TDRD5: variants seen among roughly 807,000 people sequenced by gnomAD.
TDRD5 encodes tudor domain containing 5, also known as tudor domain-containing protein 5.
A neutral mutation model predicts 120.6 loss-of-function variants in TDRD5; 41 were observed. The observed-to-expected ratio is 0.34, with a 90% CI of 0.26 to 0.44. TDRD5 has a LOEUF of 0.44. Ranked by LOEUF, TDRD5 falls within the 20% of genes least tolerant of loss-of-function variation. The pLI is 1.00. For missense variants in TDRD5, 1,006 were observed against 1,221.2 expected, an observed-to-expected ratio of 0.82 and a Z score of 2.63; for synonymous variants, 430 against 433.7, an observed-to-expected ratio of 0.99 and a Z score of 0.11.
intron 7 of TDRD5, among the ~76,000 whole-genome samples, chr1:179,631,555 G>A (rs1032735584): frequency 2.0e-4 from 30 of 152,300 alleles, no homozygotes; most frequent in African/African-American, 6.3e-4. Flanking sequence ...ATGGGTGTGC[G>A]TTGGGACCCA....
chr1:179,663,526 G>A (rs374080127), intron 16 of TDRD5, 35 bp downstream of exon 16: 23 of 1,564,978 alleles, frequency 1.5e-5, no homozygotes, highest in Non-Finnish European at 2.0e-5. Context: ...GGACAGGTTT[G>A]CATAAGGAAG....
intron 6 of TDRD5, among the ~76,000 whole-genome samples, chr1:179,628,954 TTTAAC>T (rs1677289928): frequency 6.6e-6 from 1 of 152,148 alleles, no homozygotes; most frequent in Non-Finnish European, 1.5e-5. Context: ...TTTTTGCCAA[TTTAAC>T]TGAAGTGTTT....
At chr1:179,612,305 C>T (rs557700075) in intron 4 of TDRD5, among the ~76,000 whole-genome samples, 1 of 152,262 alleles carries the variant, frequency 6.6e-6, no homozygotes, top group African/African-American at 2.4e-5. Context: ...CCACCCCTGC[C>T]CATTGCTTTA....
At chr1:179,676,307 G>A (rs1191568944) in intron 17 of TDRD5, among the ~76,000 whole-genome samples, 2 of 152,144 alleles carry the variant, frequency 1.3e-5, no homozygotes, top group Non-Finnish European at 2.9e-5. Flanking sequence ...TATCCATTCT[G>A]CAGTTCTGTA....
chr1:179,613,582 T>C (rs187351261), intron 4 of TDRD5, among the ~76,000 whole-genome samples: 3 of 152,348 alleles, frequency 2.0e-5, no homozygotes, highest in Non-Finnish European at 4.4e-5. Flanking sequence ...AGATCATGGC[T>C]CTGGCATATA....
chr1:179,635,654 T>C lies in TDRD5; in HGVS notation c.1300-13T>C. The C allele has an allele frequency of 8.7e-6, 14 of 1,608,016 alleles. No homozygotes were observed. The highest frequency in any genetic ancestry group is 6.7e-5 in the African/African-American group (5 of 74,656). On this transcript the variant is annotated splice_polypyrimidine_tract_variant and intron_variant, in intron 8 of 17. Coordinates refer to ENST00000444136, the MANE Select transcript of TDRD5 (RefSeq NM_001199085.3). ...CACCAAGAGATTTTTAATTTTTTTT[T>C]TCTAACTTATAGCAAGTAGAAACAA...
intron 14 of TDRD5, among the ~76,000 whole-genome samples, chr1:179,661,753 A>T (rs894730541): frequency 1.1e-4 from 16 of 152,068 alleles, no homozygotes; most frequent in African/African-American, 3.4e-4. Flanking sequence ...TTTAGTACAA[A>T]TTTCTGAGTT....
intron 16 of TDRD5, among the ~76,000 whole-genome samples, chr1:179,665,939 T>A (rs1170172083): frequency 6.6e-6 from 1 of 152,154 alleles, no homozygotes; most frequent in Non-Finnish European, 1.5e-5. Flanking sequence ...AGCCTCTTTC[T>A]ACTGGAGTGT....
intron 7 of TDRD5, among the ~76,000 whole-genome samples, chr1:179,633,450 C>G (rs904463621): frequency 3.9e-5 from 6 of 151,912 alleles, no homozygotes; most frequent in Non-Finnish European, 7.4e-5. Flanking sequence ...CTCCCAGGTT[C>G]AAGTGATTCT....
Position 179,662,046 on chromosome 1 carries a change from A to T in TDRD5, c.2323-58A>T, listed in dbSNP as rs77657339. The T allele has an allele frequency of 3.1e-3, 4,379 of 1,403,230 alleles. 133 individuals carry two copies. In the African/African-American group the frequency reaches 0.059, roughly 19 times the overall value. The allele number at this position is 1,403,230 out of a possible 1,614,324, so 86.9% of individuals were successfully genotyped here. ...GAAAAAACTATAAAACCTAAATTTT[A>T]TGTGCTCATATAGGAACTATAAATG... On this transcript the variant is annotated intron_variant, in intron 14 of 17. Coordinates refer to ENST00000444136, the MANE Select transcript of TDRD5 (RefSeq NM_001199085.3).
chr1:179,650,635 C>T (rs1043661404), intron 11 of TDRD5, among the ~76,000 whole-genome samples: 3 of 152,030 alleles, frequency 2.0e-5, no homozygotes, highest in Non-Finnish European at 2.9e-5. Context: ...ATGGAAGTTG[C>T]ACATCACATA....
chr1:179,625,100 G>A (rs1342948246), intron 6 of TDRD5, among the ~76,000 whole-genome samples: 8 of 134,696 alleles, frequency 5.9e-5, no homozygotes, highest in African/African-American at 2.0e-4. Context: ...AATGATGCTG[G>A]AACAACTGAA....
chr1:179,607,294 T>C (rs1234025235), intron 4 of TDRD5, among the ~76,000 whole-genome samples: 1 of 152,158 alleles, frequency 6.6e-6, no homozygotes, highest in Non-Finnish European at 1.5e-5. Flanking sequence ...GCAACCTTGC[T>C]ATAATTGCTA....
Position 179,592,660 on chromosome 1 carries a change from A to C in TDRD5, c.45A>C (p.Ile15=). The change falls in exon 2 of 18, where the codon ATA becomes ATC. Residue 15 remains isoleucine, a synonymous_variant. Coordinates refer to ENST00000444136, the MANE Select transcript of TDRD5 (RefSeq NM_001199085.3). ...ERIQECLRKE[I]RSLLISTKDG... is the part of the protein sequence containing the mutation. Reference sequence around the variant, plus strand: ...TACAGGAATGTCTGCGGAAGGAAATAAGGTCACTTCTCATTTCCACCAAAG... The same window carrying C: ...TACAGGAATGTCTGCGGAAGGAAATCAGGTCACTTCTCATTTCCACCAAAG... 2 of 1,614,084 alleles carry C rather than the reference A, an allele frequency of 1.2e-6. No homozygotes were observed. The highest frequency in any genetic ancestry group is 1.7e-6 in the Non-Finnish European group (2 of 1,180,036).
At chr1:179,633,998 T>C (rs1452590845) in intron 7 of TDRD5, among the ~76,000 whole-genome samples, 2 of 151,726 alleles carry the variant, frequency 1.3e-5, no homozygotes, top group Non-Finnish European at 2.9e-5. Context: ...AGTGAAACCC[T>C]GTCTCTACTA....
At chr1:179,614,585 G>A (rs1676461821) in intron 4 of TDRD5, among the ~76,000 whole-genome samples, 2 of 151,996 alleles carry the variant, frequency 1.3e-5, no homozygotes, top group Admixed American at 1.3e-4. Flanking sequence ...CATAAGAATT[G>A]TTTCAGTTGA....
chr1:179,672,071 G>T (rs1679884370), intron 17 of TDRD5, among the ~76,000 whole-genome samples: 2 of 151,200 alleles, frequency 1.3e-5, no homozygotes, highest in African/African-American at 4.9e-5. Context: ...AAATTGTGCT[G>T]CTATAAATGT....
intron 17 of TDRD5, among the ~76,000 whole-genome samples, chr1:179,680,902 A>C (rs2147806898): frequency 6.6e-6 from 1 of 152,356 alleles, no homozygotes; most frequent in East Asian, 1.9e-4. Flanking sequence ...AAAAGAGAAA[A>C]AAGGGCATAT....
intron 4 of TDRD5, among the ~76,000 whole-genome samples, chr1:179,599,677 G>A (rs1438601272): frequency 6.6e-6 from 1 of 151,960 alleles, no homozygotes; most frequent in Non-Finnish European, 1.5e-5. Flanking sequence ...TGTGATGCTT[G>A]CTCTTTATCT....
Sources: gnomAD v4.1 joint callset for allele counts (sites outside exome capture counted in the v4.1 genomes callset) on GRCh38, gnomAD v4.1.1 for gene constraint, MANE v1.5 for transcripts, NCBI Gene and HGNC (gene_info 2026-07-23, HGNC 2026-07-21) for gene names.